The following POM121C variants were observed in gnomAD, a reference collection of about 807,000 sequenced individuals.
POM121C encodes the protein POM121 transmembrane nucleoporin C, also known as nuclear envelope pore membrane protein POM 121C.
In POM121C, 20 loss-of-function variants were observed where a neutral mutation model predicts 66.4. The ratio of observed to expected loss-of-function variants is 0.30; its 90% CI spans 0.21 to 0.44. The LOEUF (loss-of-function observed/expected upper bound fraction) is 0.44. Ranked by LOEUF, POM121C falls within the 20% of genes least tolerant of loss-of-function variation. The pLI is 1.00. For synonymous variants in POM121C, 286 were observed against 528.0 expected, an observed-to-expected ratio of 0.54 and a Z score of 6.28; for missense variants, 580 against 1,225.7, an observed-to-expected ratio of 0.47 and a Z score of 7.87.
chr7:75,483,734 T>C (rs1792401576), intron 1 of POM121C, among the ~76,000 whole-genome samples: 1 of 152,100 alleles, frequency 6.6e-6, no homozygotes, highest in South Asian at 2.1e-4. Context: ...GCTTCACAAA[T>C]CATTTTTGGT....
At position 75,441,775 on chromosome 7, in the gene POM121C, A is replaced by G. The variant is rs1260046453; in HGVS notation, c.-151-128T>C. On this transcript the variant is annotated intron_variant, in intron 3 of 14. Coordinates refer to ENST00000615331, the MANE Select transcript of POM121C (RefSeq NM_001099415.3). ...AATCTCTTTCTACGCAACACAGAACACGTTGTTTTTATGGCAACTTTCCCC... is the reference window on the plus strand; with the variant it reads ...AATCTCTTTCTACGCAACACAGAACGCGTTGTTTTTATGGCAACTTTCCCC... The G allele has an allele frequency of 9.8e-6, 9 of 920,084 alleles. No homozygotes were observed. In the East Asian group the frequency reaches 2.4e-4, roughly 24 times the overall value. The allele number at this position is 920,084 out of a possible 1,614,324, so 57.0% of individuals were successfully genotyped here. A position where few individuals can be genotyped will look rare whatever the true frequency, so the allele number is the denominator to read the frequency against.
chr7:75,424,614 C>G lies in POM121C; in HGVS notation c.783G>C (p.Gln261His), dbSNP rs1396251401. The G allele has an allele frequency of 7.4e-6, 12 of 1,613,778 alleles. No individual in the cohort carries two copies. The highest frequency in any genetic ancestry group is 1.3e-5 in the African/African-American group (1 of 74,890). Residue 261 changes from glutamine to histidine, a missense_variant, in exon 11 of 15, where the codon CAG becomes CAC. By Grantham distance (24) the Gln-to-His change is conservative (BLOSUM62 0). Transcript: ENST00000615331. ...CCTCGGCAGTGATCGAATAGCCAAG[C>G]TGGGGAGGTGGAGGCTACCAAAGAG... The part of the protein sequence containing the change: ...GEQLTLPPPP[Q>H]LGYSITAEDL...
At chr7:75,468,126 TAAAAAAAAAAAAAA>T (rs368723160) in intron 3 of POM121C, among the ~76,000 whole-genome samples, 4 of 64,360 alleles carry the variant, frequency 6.2e-5, no homozygotes, top group African/African-American at 1.6e-4. Context: ...AGACTCTGTC[TAAAAAAAAAAAAAA>T]AAAAAAAAAA....
Position 75,418,706 on chromosome 7 carries a change from C to T in POM121C, c.*90G>A, listed in dbSNP as rs1165047033. The T allele has an allele frequency of 2.3e-5, 33 of 1,429,202 alleles. No individual in the cohort carries two copies. The highest frequency in any genetic ancestry group is 4.4e-5 in the African/African-American group (3 of 68,300). 88.5% of individuals were successfully genotyped at this position (1,429,202 alleles called of 1,614,324 possible). On this transcript the variant is annotated 3_prime_UTR_variant, in exon 15 of 15. Coordinates refer to ENST00000615331, the MANE Select transcript of POM121C (RefSeq NM_001099415.3). Reference sequence around the variant, plus strand: ...AGAGATCCGGGGTAGGTTTGCTTTACGCAGCTGGAAGGGTCCAAGGCTCTT... The same window carrying T: ...AGAGATCCGGGGTAGGTTTGCTTTATGCAGCTGGAAGGGTCCAAGGCTCTT...
At chr7:75,480,491 C>T (rs1400082692) in intron 1 of POM121C, among the ~76,000 whole-genome samples, 3 of 152,168 alleles carry the variant, frequency 2.0e-5, no homozygotes, top group Admixed American at 2.0e-4. Context: ...AACTTGATCT[C>T]ATTAACATTT....
At chr7:75,431,359 T>C (rs774466544) in intron 7 of POM121C, among the ~76,000 whole-genome samples, 42 of 152,054 alleles carry the variant, frequency 2.8e-4, no homozygotes, top group Non-Finnish European at 4.9e-4. Flanking sequence ...ATCCCAGCAC[T>C]TTGGGAGGCC....
Position 75,416,818 on chromosome 7 carries a change from C to T in POM121C, c.*1978G>A. 6.8e-7 allele frequency: 1 copy of T among 1,473,550 alleles called. No individual in the cohort carries two copies. The highest frequency in any genetic ancestry group is 9.0e-7 in the Non-Finnish European group (1 of 1,111,444). The allele number at this position is 1,473,550 out of a possible 1,614,324, so 91.3% of individuals were successfully genotyped here. The stretch of plus-strand genomic sequence containing the variant: ...GATCACAGTTTTTTATTCTTAATGT[C>T]ACAAGCAGGAGAAAAATCTCACATT... On this transcript the variant is annotated 3_prime_UTR_variant, in exon 15 of 15. Coordinates refer to ENST00000615331, the MANE Select transcript of POM121C (RefSeq NM_001099415.3).
intron 3 of POM121C, chr7:75,442,621 C>T (rs782501987): frequency 7.4e-6 from 11 of 1,491,442 alleles, no homozygotes; most frequent in East Asian, 2.8e-5. Context: ...GAAGCGCCGC[C>T]CCGGCCGGCC....
chr7:75,437,453 C>T (rs587626678), intron 7 of POM121C, 62 bp downstream of exon 7: 2 of 1,560,074 alleles, frequency 1.3e-6, no homozygotes, highest in East Asian at 2.3e-5. Context: ...CATGTCTGGC[C>T]CTAATCAATG....
intron 3 of POM121C, among the ~76,000 whole-genome samples, chr7:75,448,502 G>GAAAA (rs61223131): frequency 1.3e-5 from 1 of 79,064 alleles, no homozygotes; most frequent in African/African-American, 6.3e-5. Context: ...AACAGAAACA[G>GAAAA]AAAAAAAAAA....
chr7:75,423,977 C>T (rs1396159622), intron 12 of POM121C, 72 bp downstream of exon 12: 31 of 1,530,718 alleles, frequency 2.0e-5, no homozygotes, highest in Middle Eastern at 2.4e-4. Context: ...CTGACAGGCA[C>T]GACGCCCTTA....
At position 75,424,183 on chromosome 7, in the gene POM121C, T is replaced by C; in HGVS notation, c.914A>G (p.Gln305Arg). 6.2e-7 allele frequency: 1 copy of C among 1,611,946 alleles called. No homozygotes were observed. The highest frequency in any genetic ancestry group is 8.5e-7 in the Non-Finnish European group (1 of 1,179,842). The change falls in exon 12 of 15, where the codon CAG (glutamine) becomes CGG (arginine). Residue 305 changes from glutamine (Q) to arginine (R), a missense_variant. Transcript: ENST00000615331. ...NSVTETPPTTQPSFTFTLPAA... is the reference protein window; with the variant it reads ...NSVTETPPTTRPSFTFTLPAA... ...AGGCAGGGTAAAGGTAAATGAAGGCTGAGTGGTAGGTGGGGTCTCAGTGAC... is the reference window on the plus strand; with the variant it reads ...AGGCAGGGTAAAGGTAAATGAAGGCCGAGTGGTAGGTGGGGTCTCAGTGAC...
intron 7 of POM121C, among the ~76,000 whole-genome samples, chr7:75,432,305 T>C (rs782690562): frequency 5.3e-5 from 8 of 151,994 alleles, no homozygotes; most frequent in Non-Finnish European, 8.8e-5. Flanking sequence ...AGCTCCAAAC[T>C]GGAAACCCAA....
chr7:75,419,252 G>A, intron 14 of POM121C, 68 bp downstream of exon 14: 2 of 1,531,522 alleles, frequency 1.3e-6, no homozygotes, highest in Non-Finnish European at 8.8e-7. Flanking sequence ...AGAGGGCCAG[G>A]AGCCTGCCAC....
intron 1 of POM121C, among the ~76,000 whole-genome samples, chr7:75,475,552 C>A (rs1668904): frequency 2.0e-5 from 3 of 148,798 alleles, no homozygotes; most frequent in Admixed American, 6.7e-5. Flanking sequence ...GCTGCCAGGC[C>A]CTCCCCTTCT....
At chr7:75,467,809 G>A (rs1234747911) in intron 3 of POM121C, among the ~76,000 whole-genome samples, 3 of 151,988 alleles carry the variant, frequency 2.0e-5, no homozygotes, top group African/African-American at 7.2e-5. Context: ...ACCTATGTGT[G>A]AGGAACTGTG....
chr7:75,421,480 C>T (rs773904524), intron 13 of POM121C, 29 bp downstream of exon 13: 23 of 1,610,566 alleles, frequency 1.4e-5, no homozygotes, highest in South Asian at 5.5e-5. Flanking sequence ...GTGTCCGGCC[C>T]GGTAGCCCAA....
intron 7 of POM121C, among the ~76,000 whole-genome samples, chr7:75,429,061 A>G (rs1554472034): frequency 6.6e-6 from 1 of 152,146 alleles, no homozygotes; most frequent in African/African-American, 2.4e-5. Context: ...CCTCTACTTC[A>G]TTGACTGTAC....
chr7:75,456,416 C>A (rs587628153), intron 3 of POM121C, among the ~76,000 whole-genome samples: 190 of 152,360 alleles, frequency 1.2e-3, no homozygotes, highest in Middle Eastern at 3.4e-3. Context: ...TACATGCTTG[C>A]CACACATTCG....
Sources: gnomAD v4.1 joint callset for allele counts (sites outside exome capture counted in the v4.1 genomes callset) on GRCh38, gnomAD v4.1.1 for gene constraint, MANE v1.5 for transcripts, NCBI Gene and HGNC (gene_info 2026-07-23, HGNC 2026-07-21) for gene names.